Variants in OR51C1 observed in about 807,000 individuals in gnomAD.
OR51C1 encodes the protein olfactory receptor family 51 subfamily C member 1, also known as olfactory receptor OR51C1.
chr11:4,692,563 T>C, the OR51C1 span, among the ~76,000 whole-genome samples: 2 of 152,210 alleles, frequency 1.3e-5, no homozygotes, highest in South Asian at 2.1e-4. Flanking sequence ...AAACATCACA[T>C]TTCTTTTTTC....
chr11:4,694,067 G>A, the OR51C1 span, among the ~76,000 whole-genome samples: 4 of 152,030 alleles, frequency 2.6e-5, no homozygotes, highest in African/African-American at 9.7e-5. Flanking sequence ...TTGTCATTGT[G>A]TTGTAGGACA....
chr11:4,694,540 G>A, the OR51C1 span, among the ~76,000 whole-genome samples: 21 of 125,426 alleles, frequency 1.7e-4, no homozygotes, highest in Non-Finnish European at 3.2e-4. Context: ...ACATATATAC[G>A]TATATATATA....
At chr11:4,695,431 G>A in the OR51C1 span, among the ~76,000 whole-genome samples, 1 of 152,154 alleles carries the variant, frequency 6.6e-6, no homozygotes, top group African/African-American at 2.4e-5. Context: ...AGGATATATT[G>A]AATAGTTTTC....
chr11:4,691,556 G>T, the OR51C1 span: 1 of 456,984 alleles, frequency 2.2e-6, no homozygotes, highest in African/African-American at 2.0e-5. Flanking sequence ...TGATGGTAGC[G>T]AAGAGGATCA....
At chr11:4,695,168 C>G in the OR51C1 span, among the ~76,000 whole-genome samples, 4 of 152,172 alleles carry the variant, frequency 2.6e-5, no homozygotes, top group African/African-American at 9.7e-5. Flanking sequence ...TGCAGAGCAT[C>G]AAGAGCCAGA....
chr11:4,696,948 T>C, the OR51C1 span, among the ~76,000 whole-genome samples: 1 of 152,160 alleles, frequency 6.6e-6, no homozygotes, highest in African/African-American at 2.4e-5. Context: ...ATCTACACCA[T>C]TAATAAAAAT....
At chr11:4,695,000 A>G in the OR51C1 span, among the ~76,000 whole-genome samples, 1 of 152,228 alleles carries the variant, frequency 6.6e-6, no homozygotes, top group Non-Finnish European at 1.5e-5. Flanking sequence ...GAATGAAAGA[A>G]TAACATAAGC....
At chr11:4,695,776 GTT>G in the OR51C1 span, among the ~76,000 whole-genome samples, 16 of 150,782 alleles carry the variant, frequency 1.1e-4, no homozygotes, top group East Asian at 7.8e-4. Flanking sequence ...ATTCTGTGAG[GTT>G]TTTTTTTTTC....
the OR51C1 span, chr11:4,691,121 G>A: frequency 2.2e-6 from 1 of 456,658 alleles, no homozygotes. Flanking sequence ...TGTTGATTCT[G>A]GTGTCTGTGC....
the OR51C1 span, chr11:4,691,066 A>T: frequency 2.2e-6 from 1 of 456,772 alleles, no homozygotes; most frequent in South Asian, 1.5e-5. Context: ...ATGAGAAGTA[A>T]GTCTACACCA....
chr11:4,693,538 G>A, the OR51C1 span, among the ~76,000 whole-genome samples: 10 of 152,204 alleles, frequency 6.6e-5, no homozygotes, highest in South Asian at 8.3e-4. Flanking sequence ...TGGCTAACAT[G>A]GTGAAACCTC....
the OR51C1 span, chr11:4,691,647 A>G: frequency 2.4e-6 from 1 of 425,038 alleles, no homozygotes; most frequent in African/African-American, 2.0e-5. Flanking sequence ...CAGCCCAGGA[A>G]CACCAGTGAG....
At chr11:4,694,161 CAT>C in the OR51C1 span, among the ~76,000 whole-genome samples, 1 of 152,132 alleles carries the variant, frequency 6.6e-6, no homozygotes, top group Admixed American at 6.5e-5. Flanking sequence ...CCCATTACCT[CAT>C]TTCAACAATT....
chr11:4,691,351 A>G, the OR51C1 span: 8 of 457,772 alleles, frequency 1.7e-5, no homozygotes, highest in African/African-American at 1.4e-4. Context: ...GCCATGGCCA[A>G]CAGCACTGAG....
At chr11:4,696,397 C>G in the OR51C1 span, among the ~76,000 whole-genome samples, 1 of 152,102 alleles carries the variant, frequency 6.6e-6, no homozygotes, top group South Asian at 2.1e-4. Context: ...TCCTCTTTCT[C>G]TCTCTCATCC....
At chr11:4,692,634 C>G in the OR51C1 span, among the ~76,000 whole-genome samples, 11 of 151,784 alleles carry the variant, frequency 7.2e-5, no homozygotes, top group Non-Finnish European at 1.5e-5. Flanking sequence ...AGACGGGGGT[C>G]TAGGGAAAAA....
the OR51C1 span, among the ~76,000 whole-genome samples, chr11:4,692,401 G>C: frequency 6.6e-6 from 1 of 152,200 alleles, no homozygotes; most frequent in Non-Finnish European, 1.5e-5. Flanking sequence ...GATATAATGT[G>C]CTGCCACGTT....
chr11:4,694,485 C>T, the OR51C1 span, among the ~76,000 whole-genome samples: 7 of 144,094 alleles, frequency 4.9e-5, no homozygotes, highest in Admixed American at 7.1e-5. Context: ...CATATATATA[C>T]GTGTATATAT....
chr11:4,695,174 C>A, the OR51C1 span, among the ~76,000 whole-genome samples: 1 of 152,152 alleles, frequency 6.6e-6, no homozygotes, highest in Non-Finnish European at 1.5e-5. Context: ...GCATCAAGAG[C>A]CAGACATTTC....
Sources: gnomAD v4.1 joint callset for allele counts (sites outside exome capture counted in the v4.1 genomes callset) on GRCh38, gnomAD v4.1.1 for gene constraint, MANE v1.5 for transcripts, NCBI Gene and HGNC (gene_info 2026-07-23, HGNC 2026-07-21) for gene names.